GLRA3: variants seen among roughly 807,000 people sequenced by gnomAD.
GLRA3 encodes the protein glycine receptor alpha 3, also known as glycine receptor subunit alpha-3.
In GLRA3, 44 loss-of-function variants were observed where a neutral mutation model predicts 60.4. The observed-to-expected ratio is 0.73, with a 90% CI of 0.57 to 0.94. GLRA3 has a LOEUF of 0.94. GLRA3 is among the 40% of genes least tolerant of loss of function. The pLI is 0.00. For missense variants in GLRA3, 508 were observed against 564.6 expected (o/e 0.90, Z 1.02); for synonymous variants, 223 against 192.9 (o/e 1.16, Z -1.29).
chr4:174,662,735 C>T (rs931023860), intron 7 of GLRA3, among the ~76,000 whole-genome samples: 2 of 151,966 alleles, frequency 1.3e-5, no homozygotes, highest in Non-Finnish European at 2.9e-5. Flanking sequence ...TCAGGCTAGA[C>T]TTTGCCCAAA....
intron 2 of GLRA3, among the ~76,000 whole-genome samples, chr4:174,774,209 A>T (rs1561109614): frequency 6.6e-6 from 1 of 152,202 alleles, no homozygotes; most frequent in African/African-American, 2.4e-5. Flanking sequence ...TATTGAGGAT[A>T]ATGGGAGCCT....
intron 2 of GLRA3, among the ~76,000 whole-genome samples, chr4:174,767,475 C>T (rs1193901960): frequency 6.6e-6 from 1 of 152,058 alleles, no homozygotes; most frequent in Non-Finnish European, 1.5e-5. Context: ...GCCTTCCCAC[C>T]TCCAATCCAA....
At chr4:174,760,759 AT>A (rs1306794957) in intron 3 of GLRA3, among the ~76,000 whole-genome samples, 1 of 152,248 alleles carries the variant, frequency 6.6e-6, no homozygotes, top group Middle Eastern at 3.4e-3. Context: ...ACCTCAGGTG[AT>A]CCGCCCTATG....
chr4:174,653,618 A>G (rs1733096113), intron 9 of GLRA3, among the ~76,000 whole-genome samples: 1 of 152,010 alleles, frequency 6.6e-6, no homozygotes. Flanking sequence ...TAGATGAAAT[A>G]TTATAGAGGA....
chr4:174,684,209 G>A (rs1343126985), intron 5 of GLRA3, among the ~76,000 whole-genome samples: 13 of 151,716 alleles, frequency 8.6e-5, no homozygotes, highest in Admixed American at 8.5e-4. Context: ...TTAAAAAAAA[G>A]TATATTTTCA....
chr4:174,822,042 C>T (rs1560820490), intron 1 of GLRA3, among the ~76,000 whole-genome samples: 1 of 152,160 alleles, frequency 6.6e-6, no homozygotes, highest in East Asian at 1.9e-4. Flanking sequence ...AGAAATGATT[C>T]TATCCCCATG....
chr4:174,719,803 C>T (rs970940904), intron 4 of GLRA3, among the ~76,000 whole-genome samples: 1 of 152,142 alleles, frequency 6.6e-6, no homozygotes, highest in African/African-American at 2.4e-5. Context: ...GAAAAACATA[C>T]ACAATTAAAT....
chr4:174,794,899 A>T (rs1192947255), intron 1 of GLRA3, among the ~76,000 whole-genome samples: 1 of 152,092 alleles, frequency 6.6e-6, no homozygotes. Context: ...AATCCATTTA[A>T]TAGAGGACAA....
At chr4:174,765,262 T>C (rs1738095926) in intron 3 of GLRA3, among the ~76,000 whole-genome samples, 1 of 152,044 alleles carries the variant, frequency 6.6e-6, no homozygotes, top group Non-Finnish European at 1.5e-5. Context: ...AGTGGTAGAC[T>C]GATGAATTAT....
intron 2 of GLRA3, among the ~76,000 whole-genome samples, chr4:174,773,924 A>G (rs1265737642): frequency 6.6e-6 from 1 of 151,124 alleles, no homozygotes; most frequent in African/African-American, 2.4e-5. Flanking sequence ...GAAAAGCTCC[A>G]CATGCAGGAA....
chr4:174,787,502 T>C (rs1017182327), intron 2 of GLRA3, among the ~76,000 whole-genome samples: 5 of 151,198 alleles, frequency 3.3e-5, no homozygotes, highest in Admixed American at 1.3e-4. Context: ...TATTGTACCC[T>C]GTAAGCTGTA....
chr4:174,646,789 T>A (rs1732837156), intron 9 of GLRA3, among the ~76,000 whole-genome samples: 5 of 152,112 alleles, frequency 3.3e-5, no homozygotes, highest in African/African-American at 9.7e-5. Context: ...TAAGGTTAGA[T>A]TAAAGCCTAT....
intron 6 of GLRA3, among the ~76,000 whole-genome samples, chr4:174,681,485 T>C (rs909404392): frequency 1.3e-5 from 2 of 152,028 alleles, no homozygotes; most frequent in African/African-American, 4.8e-5. Flanking sequence ...AGAGGGAAAT[T>C]TGGACATGGA....
intron 5 of GLRA3, among the ~76,000 whole-genome samples, chr4:174,711,445 ATT>A (rs1161026635): frequency 1.4e-5 from 2 of 142,784 alleles, no homozygotes; most frequent in African/African-American, 2.5e-5. Flanking sequence ...ATATATATAT[ATT>A]TTTTTTTTTT....
In GLRA3 at chr4:174,641,289, G is replaced by A. The variant is rs913499061; in HGVS notation, c.*2497C>T. 9.9e-5 allele frequency: 15 copies of A among 152,004 alleles called. No individual in the cohort carries two copies. The highest frequency in any genetic ancestry group is 3.6e-4 in the African/African-American group (15 of 41,418). The allele number at this position is 152,004 out of a possible 1,614,324, so 9.4% of individuals were successfully genotyped here. A position where few individuals can be genotyped will look rare whatever the true frequency, so the allele number is the denominator to read the frequency against. On this transcript the variant is annotated 3_prime_UTR_variant, in exon 10 of 10. Transcript: ENST00000274093. Reference sequence around the variant, plus strand: ...CTTGCCATTAATAATTTTGTGGTTGGTTTAATTTAAAATATTCTGGTTGGA... The same window carrying A: ...CTTGCCATTAATAATTTTGTGGTTGATTTAATTTAAAATATTCTGGTTGGA...
intron 5 of GLRA3, among the ~76,000 whole-genome samples, chr4:174,694,011 G>A (rs1280023941): frequency 6.6e-6 from 1 of 152,070 alleles, no homozygotes; most frequent in African/African-American, 2.4e-5. Context: ...TAATGGTAAC[G>A]GGTTCAATTC....
intron 7 of GLRA3, among the ~76,000 whole-genome samples, chr4:174,676,526 T>A (rs1447608487): frequency 6.6e-6 from 1 of 152,254 alleles, no homozygotes; most frequent in South Asian, 2.1e-4. Context: ...AAGCTATGTG[T>A]GTGTATGTGT....
chr4:174,758,063 C>T (rs1737789790), intron 3 of GLRA3, among the ~76,000 whole-genome samples: 1 of 152,138 alleles, frequency 6.6e-6, no homozygotes, highest in Non-Finnish European at 1.5e-5. Flanking sequence ...CATGCTGGCT[C>T]CTGTTCCCTT....
At chr4:174,666,754 A>AT (rs1422427910) in intron 7 of GLRA3, among the ~76,000 whole-genome samples, 6 of 75,480 alleles carry the variant, frequency 7.9e-5, no homozygotes, top group African/African-American at 4.1e-4. Flanking sequence ...ATATATATAT[A>AT]TATATTATAT....
Sources: gnomAD v4.1 joint callset for allele counts (sites outside exome capture counted in the v4.1 genomes callset) on GRCh38, gnomAD v4.1.1 for gene constraint, MANE v1.5 for transcripts, NCBI Gene and HGNC (gene_info 2026-07-23, HGNC 2026-07-21) for gene names.